Variants in UBE3B observed in about 807,000 individuals in gnomAD.
UBE3B encodes ubiquitin protein ligase E3B, also known as ubiquitin-protein ligase E3B.
UBE3B carries 80 observed loss-of-function variants against 132.3 expected under a neutral mutation model. That is an observed-to-expected ratio of 0.60 (90% CI 0.50 to 0.73). The LOEUF (loss-of-function observed/expected upper bound fraction) is 0.73, where lower values mean the gene tolerates loss of function less well. Among genes scored for constraint, UBE3B ranks in the 30% least tolerant of loss-of-function variants. UBE3B has a pLI of 0.00. For missense variants in UBE3B, 1,196 were observed against 1,362.5 expected, an observed-to-expected ratio of 0.88 and a Z score of 1.92; for synonymous variants, 487 against 520.4, an observed-to-expected ratio of 0.94 and a Z score of 0.87.
the UBE3B span, among the ~76,000 whole-genome samples, chr12:109,543,281 G>A: frequency 0.014 from 2,067 of 151,982 alleles, 49 homozygotes; most frequent in African/African-American, 0.048. Flanking sequence ...AGCTGGACAA[G>A]ATGATGTTCA....
chr12:109,524,430 T>A lies in UBE3B; in HGVS notation c.2503-8T>A. 1 of 1,614,048 alleles carries A rather than the reference T, an allele frequency of 6.2e-7. No individual in the cohort carries two copies. The highest frequency in any genetic ancestry group is 2.2e-5 in the East Asian group (1 of 44,866). On this transcript the variant is annotated splice_polypyrimidine_tract_variant and splice_region_variant and intron_variant, in intron 22 of 27. Transcript: ENST00000342494. ...GCCCTAACACTTTCCCCTTCTCTGTTACATTAGCGCTATGATGGGGACATC... is the reference window on the plus strand; with the variant it reads ...GCCCTAACACTTTCCCCTTCTCTGTAACATTAGCGCTATGATGGGGACATC...
In UBE3B at chr12:109,491,037, C is replaced by T. The variant is rs751218901; in HGVS notation, c.631-8C>T. 6.2e-7 allele frequency: 1 copy of T among 1,612,720 alleles called. No homozygotes were observed. The highest frequency in any genetic ancestry group is 1.7e-5 in the Admixed American group (1 of 59,854). ...TCATCCTCTGACCAATTAAAACATT[C>T]TTTTCAGATATTGTTAACCCGTGGC... On this transcript the variant is annotated splice_polypyrimidine_tract_variant and splice_region_variant and intron_variant, in intron 8 of 27. Transcript: ENST00000342494.
At chr12:109,508,853 A>G in intron 15 of UBE3B, 1 of 662,248 alleles carries the variant, frequency 1.5e-6, no homozygotes, top group African/African-American at 2.0e-5. Flanking sequence ...AATGCTTACT[A>G]AGTACCTGCT....
chr12:109,533,509 A>G lies in UBE3B; in HGVS notation c.2966A>G (p.Tyr989Cys), dbSNP rs750397701. 20 of 1,613,714 alleles carry G rather than the reference A, an allele frequency of 1.2e-5. 1 individual carries two copies. The highest frequency in any genetic ancestry group is 8.8e-5 in the South Asian group (8 of 91,084). The change falls in exon 27 of 28, where the codon TAC becomes TGC. Residue 989 changes from tyrosine (Y) to cysteine (C), a missense_variant. By Grantham distance (194) the Tyr-to-Cys change is radical. Coordinates refer to ENST00000342494, the MANE Select transcript of UBE3B (RefSeq NM_130466.4). ...AGACCCCCGCTCCTGGGATTCGCCT[A>G]CCTCAAGCCTCCATTCTCCATCCGC... ...CSRPPLLGFA[Y>C]LKPPFSIRCV...
chr12:109,525,221 TG>T (rs1882200324), intron 23 of UBE3B, among the ~76,000 whole-genome samples: 1 of 152,170 alleles, frequency 6.6e-6, no homozygotes, highest in Non-Finnish European at 1.5e-5. Flanking sequence ...GAGCCCTGCG[TG>T]GCCTGTCCTC....
At chr12:109,543,033 G>A in the UBE3B span, among the ~76,000 whole-genome samples, 4 of 152,144 alleles carry the variant, frequency 2.6e-5, no homozygotes, top group South Asian at 2.1e-4. Flanking sequence ...GCAGCTGGCC[G>A]CCCTGCCCAG....
chr12:109,533,327 C>G, intron 26 of UBE3B, 139 bp from the exon 27 acceptor site: 1 of 804,660 alleles, frequency 1.2e-6, no homozygotes, highest in East Asian at 2.5e-5. Flanking sequence ...CAGATCCACC[C>G]CGCCACTCCA....
At chr12:109,502,262 G>A (rs1879094932) in intron 13 of UBE3B, among the ~76,000 whole-genome samples, 1 of 152,138 alleles carries the variant, frequency 6.6e-6, no homozygotes, top group East Asian at 1.9e-4. Flanking sequence ...GAGTTCTTAA[G>A]AAAATAAATC....
chr12:109,542,858 C>G, the UBE3B span, among the ~76,000 whole-genome samples: 1 of 152,188 alleles, frequency 6.6e-6, no homozygotes, highest in Non-Finnish European at 1.5e-5. Flanking sequence ...CTTAAGTCCC[C>G]GAGTTTATGG....
chr12:109,495,431 A>T (rs1265151176), intron 9 of UBE3B, among the ~76,000 whole-genome samples: 2 of 152,190 alleles, frequency 1.3e-5, no homozygotes, highest in Non-Finnish European at 2.9e-5. Context: ...CATTTAAAGC[A>T]TACCATTCCC....
downstream of UBE3B, among the ~76,000 whole-genome samples, chr12:109,537,282 C>G (rs1053046821): frequency 6.6e-6 from 1 of 152,226 alleles, no homozygotes; most frequent in East Asian, 1.9e-4. Flanking sequence ...TGTCTCCCCA[C>G]AGGACACGCA....
At chr12:109,531,198 T>C (rs539902342) in intron 26 of UBE3B, among the ~76,000 whole-genome samples, 2 of 152,122 alleles carry the variant, frequency 1.3e-5, no homozygotes, top group African/African-American at 2.4e-5. Flanking sequence ...TAGGCTGATA[T>C]CAAGATGTAT....
rs540523876 is a variant in UBE3B at position 109,504,692 on chromosome 12, A to G, written c.1450+1502A>G. Among the ~76,000 whole-genome samples the G allele has an allele frequency of 3.9e-5, 6 of 152,312 alleles. No individual in the cohort carries two copies. The East Asian group carries it at 1.2e-3, about 29-fold the overall frequency. On this transcript the variant is annotated intron_variant, in intron 14 of 27. Transcript: ENST00000342494. ...CTTTCAGCCTAGGGCAGGTTTCCCA[A>G]AGATGAGCAGAGGGAGGAGAGAAGG...
At chr12:109,502,702 A>G (rs1879152788) in intron 13 of UBE3B, among the ~76,000 whole-genome samples, 1 of 152,158 alleles carries the variant, frequency 6.6e-6, no homozygotes, top group South Asian at 2.1e-4. Context: ...TCTTTCCCTA[A>G]TATAGTCCTC....
At chr12:109,542,760 T>C in the UBE3B span, among the ~76,000 whole-genome samples, 40 of 152,348 alleles carry the variant, frequency 2.6e-4, no homozygotes, top group African/African-American at 8.7e-4. Flanking sequence ...CAGATTCTCC[T>C]TCACAGCCTG....
At chr12:109,538,560 C>T (rs1845502366), downstream of UBE3B, among the ~76,000 whole-genome samples, 1 of 152,226 alleles carries the variant, frequency 6.6e-6, no homozygotes, top group African/African-American at 2.4e-5. This position sits in a 1 kb window ranked among gnomAD's most constrained non-coding sequence, Gnocchi z 4.1. Flanking sequence ...CAGCGCAGCA[C>T]CTGGCACCAA....
At position 109,511,944 on chromosome 12, in the gene UBE3B, G is replaced by A. The variant is rs540147216; in HGVS notation, c.1956+641G>A. ...TCAAGAGATTTTTAAGGAGGCCTCAGAGAATGGTCACATCCCAAGGGGAAA... is the reference window on the plus strand; with the variant it reads ...TCAAGAGATTTTTAAGGAGGCCTCAAAGAATGGTCACATCCCAAGGGGAAA... On this transcript the variant is annotated intron_variant, in intron 18 of 27. Transcript: ENST00000342494. Among the ~76,000 whole-genome samples, 39 of 152,326 alleles carry A rather than the reference G, an allele frequency of 2.6e-4. 1 individual carries two copies. The South Asian group carries it at 5.6e-3, about 22-fold the overall frequency.
At chr12:109,496,955 G>T (rs1057277717) in intron 9 of UBE3B, among the ~76,000 whole-genome samples, 1 of 151,944 alleles carries the variant, frequency 6.6e-6, no homozygotes, top group Non-Finnish European at 1.5e-5. Context: ...AGAAATCATT[G>T]CCTAACCTGA....
In UBE3B at chr12:109,488,487, C is replaced by A. The variant is rs1592888952; in HGVS notation, c.448-85C>A. ...TGACTCAGTGATTCCAGGCTGAGTG[C>A]CCATAGAGCAGTTGTAAAGTGAACA... On this transcript the variant is annotated intron_variant, in intron 6 of 27. Coordinates refer to ENST00000342494, the MANE Select transcript of UBE3B (RefSeq NM_130466.4). The A allele has an allele frequency of 6.7e-6, 8 of 1,195,450 alleles. No homozygotes were observed. The East Asian group carries it at 1.6e-4, about 24-fold the overall frequency. The allele number at this position is 1,195,450 out of a possible 1,614,324, so 74.1% of individuals were successfully genotyped here. A position where few individuals can be genotyped will look rare whatever the true frequency, so the allele number is the denominator to read the frequency against.
Sources: allele counts gnomAD v4.1 joint callset (sites outside exome capture counted in the v4.1 genomes callset), GRCh38; gene constraint gnomAD v4.1.1; non-coding constraint Gnocchi (gnomAD v3.1); transcripts MANE v1.5; gene names NCBI Gene and HGNC (gene_info 2026-07-23, HGNC 2026-07-21).